Variants in PIK3C3 observed in about 807,000 individuals in gnomAD.
PIK3C3 encodes phosphatidylinositol 3-kinase catalytic subunit type 3, also known as PI3-kinase type 3.
A neutral mutation model predicts 126.1 loss-of-function variants in PIK3C3; 95 were observed. The observed-to-expected ratio is 0.75, with a 90% CI of 0.64 to 0.89. The LOEUF (loss-of-function observed/expected upper bound fraction) is 0.89, where lower values mean the gene tolerates loss of function less well. Ranked by LOEUF, PIK3C3 falls within the 40% of genes least tolerant of loss-of-function variation. PIK3C3 has a pLI of 0.00. For missense variants in PIK3C3, 829 were observed against 1,063.2 expected (o/e 0.78, Z 3.06); for synonymous variants, 374 against 360.0 (o/e 1.04, Z -0.44).
At chr18:42,036,502 A>T (rs1013009148) in intron 16 of PIK3C3, among the ~76,000 whole-genome samples, 1 of 151,858 alleles carries the variant, frequency 6.6e-6, no homozygotes, top group African/African-American at 2.4e-5. Flanking sequence ...TTTCTTCTCA[A>T]TGACCAAACT....
At chr18:41,998,036 T>A (rs1176349750) in intron 9 of PIK3C3, among the ~76,000 whole-genome samples, 1 of 152,166 alleles carries the variant, frequency 6.6e-6, no homozygotes, top group Admixed American at 6.6e-5. Context: ...CTATTTTAAG[T>A]TGTTTTTCTG....
In PIK3C3 at chr18:41,996,641, A is replaced by G. The variant is rs1181078381; in HGVS notation, c.895A>G (p.Ile299Val). 6 of 1,520,158 alleles carry G rather than the reference A, an allele frequency of 3.9e-6. No individual in the cohort carries two copies. Among genetic ancestry groups the G allele is most frequent in the Non-Finnish European group, 3.6e-6 (4 of 1,113,886 alleles). The allele number at this position is 1,520,158 out of a possible 1,614,324, so 94.2% of individuals were successfully genotyped here. A position where few individuals can be genotyped will look rare whatever the true frequency, so the allele number is the denominator to read the frequency against. Reference protein sequence around the residue: ...NAATRDQLNIIVSYPPTKQLT... With the variant: ...NAATRDQLNIVVSYPPTKQLT... ...TCTTTTTCTTTTTTTGTTTTAGATTATTGTGAGTTATCCACCAACCAAGCA... is the reference window on the plus strand; with the variant it reads ...TCTTTTTCTTTTTTTGTTTTAGATTGTTGTGAGTTATCCACCAACCAAGCA... The change falls in exon 9 of 25, where the codon ATT becomes GTT. Residue 299 changes from isoleucine to valine, a missense_variant. Ile to Val is a conservative substitution (Grantham distance 29, BLOSUM62 3). Around this residue, in one of 4 missense-constraint regions of PIK3C3, gnomAD observed 64 missense variants for 118.7 expected, o/e 0.54. Transcript: ENST00000262039.
chr18:42,076,515 G>C (rs1352578531), intron 24 of PIK3C3, among the ~76,000 whole-genome samples: 2 of 152,090 alleles, frequency 1.3e-5, no homozygotes, highest in Non-Finnish European at 2.9e-5. Context: ...GCCAAAACTA[G>C]TCTTGAATTT....
Position 42,082,046 on chromosome 18 carries a change from A to G in PIK3C3, c.*909A>G, listed in dbSNP as rs1371506037. 2.0e-5 allele frequency: 3 copies of G among 152,224 alleles called. No individual in the cohort carries two copies. Among genetic ancestry groups the G allele is most frequent in the African/African-American group, 7.2e-5 (3 of 41,470 alleles). The allele number at this position is 152,224 out of a possible 1,614,324, so 9.4% of individuals were successfully genotyped here. A position where few individuals can be genotyped will look rare whatever the true frequency, so the allele number is the denominator to read the frequency against. On this transcript the variant is annotated 3_prime_UTR_variant, in exon 25 of 25. Coordinates refer to ENST00000262039, the MANE Select transcript of PIK3C3 (RefSeq NM_002647.4). ...AATGTAATATATTCTTTCTGAATTA[A>G]GCAAAATTTTTTTTGTCTTTTAAGA...
rs150405148 is a variant in PIK3C3 at position 42,049,701 on chromosome 18, C to T, written c.2263+96C>T. 4.5e-4 allele frequency: 433 copies of T among 963,710 alleles called. 5 individuals carry two copies. Among genetic ancestry groups the T allele is most frequent in the Admixed American group, 2.1e-3 (110 of 53,360 alleles). 59.7% of individuals were successfully genotyped at this position (963,710 alleles called of 1,614,324 possible). ...TAACAAGATAAGTTGCGGCCTGGCG[C>T]GGTGGCTCACGCCCGTAATCCCAGC... On this transcript the variant is annotated intron_variant, in intron 21 of 24. Coordinates refer to ENST00000262039, the MANE Select transcript of PIK3C3 (RefSeq NM_002647.4).
chr18:42,056,040 G>T (rs1985049123), intron 21 of PIK3C3, among the ~76,000 whole-genome samples: 1 of 151,964 alleles, frequency 6.6e-6, no homozygotes, highest in Non-Finnish European at 1.5e-5. Flanking sequence ...GTTTAAGGTG[G>T]TAGATTCGAA....
At position 41,968,171 on chromosome 18, in the gene PIK3C3, A is replaced by T. The variant is rs147491085; in HGVS notation, c.402-2156A>T. Among the ~76,000 whole-genome samples the T allele has an allele frequency of 4.6e-5, 7 of 152,318 alleles. No homozygotes were observed. In the East Asian group the frequency reaches 1.4e-3, roughly 29 times the overall value. ...ATTTAGTAAACTGACTTCTTGCCAA[A>T]TGTGCTTATTTTTGATTTAGTTCAG... is the stretch of plus-strand genomic sequence containing the variant. On this transcript the variant is annotated intron_variant, in intron 3 of 24. Coordinates refer to ENST00000262039, the MANE Select transcript of PIK3C3 (RefSeq NM_002647.4).
intron 10 of PIK3C3, among the ~76,000 whole-genome samples, chr18:42,006,142 A>G (rs1398302259): frequency 1.3e-5 from 2 of 151,130 alleles, no homozygotes; most frequent in Admixed American, 1.3e-4. Flanking sequence ...TGACTCACAA[A>G]ACTCAGGAAA....
At chr18:41,975,650 A>T (rs1356678347) in intron 4 of PIK3C3, among the ~76,000 whole-genome samples, 1 of 151,988 alleles carries the variant, frequency 6.6e-6, no homozygotes, top group Non-Finnish European at 1.5e-5. Flanking sequence ...AGGAGCTGGA[A>T]AGGTTTCTCA....
At chr18:42,046,090 G>A (rs1271283945) in intron 20 of PIK3C3, among the ~76,000 whole-genome samples, 1 of 152,050 alleles carries the variant, frequency 6.6e-6, no homozygotes, top group African/African-American at 2.4e-5. Context: ...CATGGGGAAA[G>A]AATAGCAATT....
intron 24 of PIK3C3, among the ~76,000 whole-genome samples, chr18:42,072,107 T>C (rs894829552): frequency 2.0e-5 from 3 of 152,230 alleles, no homozygotes; most frequent in Non-Finnish European, 2.9e-5. Context: ...ATAAATCACA[T>C]AGGCATTCAA....
intron 7 of PIK3C3, among the ~76,000 whole-genome samples, chr18:41,994,777 T>G (rs1450970173): frequency 6.6e-6 from 1 of 152,098 alleles, no homozygotes; most frequent in African/African-American, 2.4e-5. Context: ...TGGCTCATGC[T>G]TGTAATCTTA....
intron 20 of PIK3C3, among the ~76,000 whole-genome samples, chr18:42,048,591 A>C (rs1279092139): frequency 6.6e-6 from 1 of 152,236 alleles, no homozygotes; most frequent in Non-Finnish European, 1.5e-5. Flanking sequence ...CCTAGTCTTC[A>C]GTACATTGTA....
intron 10 of PIK3C3, among the ~76,000 whole-genome samples, chr18:42,011,428 T>C (rs1182990254): frequency 6.6e-6 from 1 of 152,234 alleles, no homozygotes; most frequent in Non-Finnish European, 1.5e-5. Flanking sequence ...TTAAATCTCA[T>C]GAACAAACCT....
At chr18:41,968,721 T>G (rs575289028) in intron 3 of PIK3C3, among the ~76,000 whole-genome samples, 1 of 152,276 alleles carries the variant, frequency 6.6e-6, no homozygotes, top group South Asian at 2.1e-4. Flanking sequence ...CTTAGGAAAA[T>G]CTATGAAGAA....
chr18:42,010,234 A>G (rs1198673999), intron 10 of PIK3C3, among the ~76,000 whole-genome samples: 4 of 152,232 alleles, frequency 2.6e-5, no homozygotes, highest in East Asian at 1.9e-4. Flanking sequence ...CTGCTCATCC[A>G]TAAGAAGCAA....
intron 17 of PIK3C3, among the ~76,000 whole-genome samples, chr18:42,038,501 C>G (rs1984160945): frequency 6.6e-6 from 1 of 151,940 alleles, no homozygotes; most frequent in Non-Finnish European, 1.5e-5. Flanking sequence ...ACCACCACGC[C>G]CAGCTAATTT....
intron 3 of PIK3C3, among the ~76,000 whole-genome samples, chr18:41,967,935 C>T (rs548336306): frequency 5.3e-5 from 8 of 152,286 alleles, no homozygotes; most frequent in Non-Finnish European, 7.4e-5. Flanking sequence ...TCTTCTCTCT[C>T]GCCTGTTTGG....
chr18:42,061,904 G>T (rs916873752), intron 22 of PIK3C3, among the ~76,000 whole-genome samples: 2 of 152,032 alleles, frequency 1.3e-5, no homozygotes, highest in Non-Finnish European at 2.9e-5. Flanking sequence ...CACCCGTAAA[G>T]GCAGATTTTT....
Sources: gnomAD v4.1 joint callset for allele counts (sites outside exome capture counted in the v4.1 genomes callset) on GRCh38, gnomAD v4.1.1 for gene constraint, gnomAD v4.1.1 regional missense constraint, MANE v1.5 for transcripts, NCBI Gene and HGNC (gene_info 2026-07-23, HGNC 2026-07-21) for gene names.